The following BABAM2 variants were observed in gnomAD, a reference collection of about 807,000 sequenced individuals.
BABAM2 encodes BRISC and BRCA1-A complex member 2.
A neutral mutation model predicts 54.7 loss-of-function variants in BABAM2; 31 were observed. The observed-to-expected ratio is 0.57, with a 90% CI of 0.43 to 0.77. BABAM2 has a LOEUF of 0.77. Among genes scored for constraint, BABAM2 ranks in the 30% least tolerant of loss-of-function variants. The pLI, the probability that BABAM2 is intolerant of heterozygous loss-of-function variation, is 0.00. For synonymous variants in BABAM2, 167 were observed against 162.9 expected, an observed-to-expected ratio of 1.03 and a Z score of -0.19; for missense variants, 364 against 455.8, an observed-to-expected ratio of 0.80 and a Z score of 1.83.
intron 7 of BABAM2, among the ~76,000 whole-genome samples, chr2:28,133,197 G>A (rs755293568): frequency 4.6e-5 from 7 of 152,202 alleles, no homozygotes; most frequent in Admixed American, 2.0e-4. Context: ...AATTCTTCCA[G>A]AGTTCAGAGC....
Position 27,994,057 on chromosome 2 carries a change from C to G in BABAM2, c.300+5970C>G, listed in dbSNP as rs548724368. On this transcript the variant is annotated intron_variant, in intron 4 of 11. Coordinates refer to ENST00000379624, the MANE Select transcript of BABAM2 (RefSeq NM_199191.3). ...AACATATTTTAAAATAGAATGTTCT[C>G]TCATTTTTCAAATCTCCATTTGGTG... 2.6e-4 allele frequency among the ~76,000 whole-genome samples: 39 copies of G among 152,298 alleles called. 1 individual carries two copies. Among genetic ancestry groups the G allele is most frequent in the African/African-American group, 8.7e-4 (36 of 41,568 alleles).
chr2:27,945,343 G>T (rs1669221813), intron 3 of BABAM2, among the ~76,000 whole-genome samples: 1 of 151,854 alleles, frequency 6.6e-6, no homozygotes, highest in Non-Finnish European at 1.5e-5. Context: ...AGCTACTTTT[G>T]ATCATATATT....
intron 6 of BABAM2, among the ~76,000 whole-genome samples, chr2:28,073,732 G>GA (rs965002857): frequency 9.9e-5 from 15 of 151,974 alleles, no homozygotes; most frequent in African/African-American, 3.6e-4. Context: ...CTTTGGGCGG[G>GA]AAAAAAGATT....
chr2:28,192,295 A>G (rs575830901), intron 7 of BABAM2, among the ~76,000 whole-genome samples: 1 of 152,088 alleles, frequency 6.6e-6, no homozygotes, highest in Non-Finnish European at 1.5e-5. Flanking sequence ...CGGCCTCCCA[A>G]AGTGCTGGGA....
chr2:28,257,002 G>T (rs966901817), intron 10 of BABAM2, among the ~76,000 whole-genome samples: 4 of 151,952 alleles, frequency 2.6e-5, no homozygotes, highest in Middle Eastern at 3.2e-3. Flanking sequence ...GCCTGGACAG[G>T]TAAGTACTTT....
In BABAM2 at chr2:28,045,730, T is replaced by C. The variant is rs374750587; in HGVS notation, c.501T>C (p.Gly167=). 2 of 1,610,496 alleles carry C rather than the reference T, an allele frequency of 1.2e-6. No homozygotes were observed. Among genetic ancestry groups the C allele is most frequent in the Non-Finnish European group, 1.7e-6 (2 of 1,177,730 alleles). ...IYAGKKNNWT[G]EFSARFLLKL... ...TTATAACTTTCTTTTTACAGACTGG[T>C]GAATTTTCAGCTCGTTTCCTTTTGA... is the stretch of plus-strand genomic sequence containing the variant. The change falls in exon 6 of 12, where the codon GGT becomes GGC. Residue 167 remains glycine, a synonymous_variant. Coordinates refer to ENST00000379624, the MANE Select transcript of BABAM2 (RefSeq NM_199191.3).
chr2:27,934,247 T>G (rs1372342773), intron 3 of BABAM2, among the ~76,000 whole-genome samples: 1 of 152,196 alleles, frequency 6.6e-6, no homozygotes, highest in Non-Finnish European at 1.5e-5. Flanking sequence ...GCTTTCTAAA[T>G]CATGAAGCGT....
intron 10 of BABAM2, among the ~76,000 whole-genome samples, chr2:28,264,191 T>C (rs924065078): frequency 6.6e-6 from 1 of 152,180 alleles, no homozygotes; most frequent in Non-Finnish European, 1.5e-5. Flanking sequence ...TTTGTAGAGA[T>C]GGGGTTTGCC....
chr2:28,161,650 A>G (rs1406813394), intron 7 of BABAM2, among the ~76,000 whole-genome samples: 3 of 152,132 alleles, frequency 2.0e-5, no homozygotes, highest in African/African-American at 7.2e-5. Flanking sequence ...CCCTTGGGCA[A>G]TGCTGAGGCC....
At chr2:27,996,585 T>G (rs928674118) in intron 4 of BABAM2, 1 of 153,310 alleles carries the variant, frequency 6.5e-6, no homozygotes, top group Non-Finnish European at 1.5e-5. Flanking sequence ...AATTTTTAGC[T>G]TCTGACCTGG....
intron 6 of BABAM2, among the ~76,000 whole-genome samples, chr2:28,112,091 T>TTCTTTC (rs1319601018): frequency 3.2e-4 from 2 of 6,194 alleles, no homozygotes; most frequent in Non-Finnish European, 7.2e-4. Flanking sequence ...TACTCTTTCT[T>TTCTTTC]TCTTTCTTTC....
Position 27,964,077 on chromosome 2 carries a change from A to G in BABAM2, c.206-23916A>G, listed in dbSNP as rs144813062. On this transcript the variant is annotated intron_variant, in intron 3 of 11. Coordinates refer to ENST00000379624, the MANE Select transcript of BABAM2 (RefSeq NM_199191.3). ...AGAGGTGATCAGATCATGAAGATGG[A>G]TGGATTAGTGTATGTCTCTTGATAC... Among the ~76,000 whole-genome samples, 623 of 152,296 alleles carry G rather than the reference A, an allele frequency of 4.1e-3. 2 individuals carry two copies. Among genetic ancestry groups the G allele is most frequent in the African/African-American group, 0.014 (593 of 41,550 alleles).
rs1182346117 is a variant in BABAM2, at chr2:28,114,428, T to C, written c.571-14843T>C. The stretch of plus-strand genomic sequence containing the variant: ...CGGTATATAGAAACAACTGAGGAGT[T>C]CTTCATCCTTTCCTCATAGGGCTCT... On this transcript the variant is annotated intron_variant, in intron 6 of 11. Transcript: ENST00000379624. 2.0e-5 allele frequency among the ~76,000 whole-genome samples: 3 copies of C among 152,214 alleles called. No individual in the cohort carries two copies. The East Asian group carries it at 5.8e-4, about 29-fold the overall frequency.
At chr2:28,276,412 A>C (rs1198560009) in intron 10 of BABAM2, among the ~76,000 whole-genome samples, 1 of 152,130 alleles carries the variant, frequency 6.6e-6, no homozygotes, top group African/African-American at 2.4e-5. Context: ...TTTATAGTTA[A>C]GTAGTGAGGA....
At chr2:28,260,299 CTT>C (rs965855673) in intron 10 of BABAM2, among the ~76,000 whole-genome samples, 2,025 of 120,270 alleles carry the variant, frequency 0.017, 31 homozygotes, top group African/African-American at 0.06. Context: ...TATTTCTTTT[CTT>C]TTTTTTTTTT....
chr2:27,935,188 G>A (rs779863424), intron 3 of BABAM2, among the ~76,000 whole-genome samples: 4 of 152,214 alleles, frequency 2.6e-5, no homozygotes, highest in African/African-American at 4.8e-5. Context: ...TTATCATTCT[G>A]AAAATCCTAA....
At chr2:28,019,047 G>A (rs1675059702) in intron 4 of BABAM2, among the ~76,000 whole-genome samples, 1 of 151,676 alleles carries the variant, frequency 6.6e-6, no homozygotes, top group South Asian at 2.1e-4. Context: ...TCCCCTCCCT[G>A]TGTCCATATG....
At chr2:27,911,106 T>C (rs1234014149) in intron 2 of BABAM2, among the ~76,000 whole-genome samples, 1 of 152,178 alleles carries the variant, frequency 6.6e-6, no homozygotes, top group Non-Finnish European at 1.5e-5. Flanking sequence ...TCTGCTGTGA[T>C]TGTAAGTTCC....
intron 10 of BABAM2, among the ~76,000 whole-genome samples, chr2:28,274,818 G>A (rs1573979195): frequency 6.6e-6 from 1 of 152,130 alleles, no homozygotes; most frequent in Admixed American, 6.6e-5. Context: ...AGCCCTGAGA[G>A]GTAAATGGTG....
Sources: gnomAD v4.1 joint callset for allele counts (sites outside exome capture counted in the v4.1 genomes callset) on GRCh38, gnomAD v4.1.1 for gene constraint, MANE v1.5 for transcripts, NCBI Gene and HGNC (gene_info 2026-07-23, HGNC 2026-07-21) for gene names.